Variants in EPG5 observed in about 807,000 individuals in gnomAD.
The protein encoded by EPG5 is ectopic P granules protein 5 homolog.
A neutral mutation model predicts 302.7 loss-of-function variants in EPG5; 159 were observed. The ratio of observed to expected loss-of-function variants is 0.53; its 90% CI spans 0.46 to 0.60. EPG5 has a LOEUF of 0.60. Among genes scored for constraint, EPG5 ranks in the 20% least tolerant of loss-of-function variants. The probability of loss-of-function intolerance (pLI) is 0.00; values close to 1 mark genes in which losing one functional copy is unlikely to be tolerated. For synonymous variants in EPG5, 1,158 were observed against 1,136.8 expected (o/e 1.02, Z -0.37); for missense variants, 2,896 against 3,092.4 (o/e 0.94, Z 1.51).
the EPG5 span, chr18:45,825,574 A>G: frequency 1.4e-6 from 1 of 696,556 alleles, no homozygotes; most frequent in Non-Finnish European, 2.5e-6. Context: ...TCCTGTCCCC[A>G]GTTCCTCCGG....
chr18:45,934,769 A>G, intron 11 of EPG5, 40 bp downstream of exon 11: 9 of 1,563,522 alleles, frequency 5.8e-6, no homozygotes, highest in Non-Finnish European at 7.8e-6. Context: ...GCACAAAAAG[A>G]TAGGGAGAGC....
At chr18:45,915,711 C>T (rs974123672) in intron 19 of EPG5, 90 bp from the exon 20 acceptor site, 3 of 957,474 alleles carry the variant, frequency 3.1e-6, no homozygotes, top group African/African-American at 1.6e-5. Flanking sequence ...TGTCTTACTA[C>T]AATACAAGAT....
At chr18:45,801,138 G>A in the EPG5 span, among the ~76,000 whole-genome samples, 1 of 152,144 alleles carries the variant, frequency 6.6e-6, no homozygotes, top group African/African-American at 2.4e-5. Flanking sequence ...CTGGGTTCAA[G>A]CAGTTCTCCT....
At chr18:45,829,800 T>C in the EPG5 span, among the ~76,000 whole-genome samples, 2 of 152,184 alleles carry the variant, frequency 1.3e-5, no homozygotes, top group Non-Finnish European at 2.9e-5. Flanking sequence ...GCCACAATGC[T>C]GTCCCTCCTG....
In EPG5 at chr18:45,913,731, G is replaced by A. The variant is rs374324769; in HGVS notation, c.3791C>T (p.Ala1264Val). 1.4e-5 allele frequency: 22 copies of A among 1,614,162 alleles called. No homozygotes were observed. In the African/African-American group the frequency reaches 2.8e-4, roughly 21 times the overall value. Residue 1264 changes from alanine (A) to valine (V), a missense_variant, in exon 21 of 44, where the codon GCT becomes GTT. Around this residue, in one of 5 missense-constraint regions of EPG5, gnomAD observed 64 missense variants for 101.8 expected, o/e 0.63. Transcript: ENST00000282041. Reference protein sequence around the residue: ...VIEGELVINSAFTPDQALKKA... With the variant: ...VIEGELVINSVFTPDQALKKA... Reference sequence around the variant, plus strand: ...CTTCAGAGCTTGGTCAGGGGTGAAAGCAGAGTTTATCACCAATTCCCCTTC... The same window carrying A: ...CTTCAGAGCTTGGTCAGGGGTGAAAACAGAGTTTATCACCAATTCCCCTTC...
At chr18:45,919,744 C>T (rs2050113746) in intron 16 of EPG5, among the ~76,000 whole-genome samples, 1 of 152,118 alleles carries the variant, frequency 6.6e-6, no homozygotes, top group Non-Finnish European at 1.5e-5. Flanking sequence ...GATCTCCTGA[C>T]CTCGTGATCC....
At chr18:45,879,308 T>C (rs894935817) in intron 32 of EPG5, 94 bp from the exon 33 acceptor site, 19 of 848,748 alleles carry the variant, frequency 2.2e-5, no homozygotes, top group Non-Finnish European at 3.5e-5. Context: ...TAGTAGGTCT[T>C]TGACTTTATA....
intron 1 of EPG5, among the ~76,000 whole-genome samples, chr18:45,962,928 G>A (rs2051179807): frequency 1.3e-5 from 2 of 152,052 alleles, no homozygotes; most frequent in Non-Finnish European, 2.9e-5. Context: ...CAAAGATAGG[G>A]GCCTTGCTGG....
intron 11 of EPG5, among the ~76,000 whole-genome samples, chr18:45,932,459 AT>A (rs1404126431): frequency 6.6e-6 from 1 of 152,194 alleles, no homozygotes; most frequent in East Asian, 1.9e-4. Context: ...ACTAGTTAAA[AT>A]TTGTTCCCTG....
rs565128125 is a variant in EPG5 at position 45,848,282 on chromosome 18, T to A, written c.*4185A>T. 1.1e-4 allele frequency: 16 copies of A among 152,314 alleles called. No individual in the cohort carries two copies. The highest frequency in any genetic ancestry group is 7.8e-4 in the Admixed American group (12 of 15,298). 9.4% of individuals were successfully genotyped at this position (152,314 alleles called of 1,614,324 possible). A position where few individuals can be genotyped will look rare whatever the true frequency, so the allele number is the denominator to read the frequency against. Reference sequence around the variant, plus strand: ...ATCAGAAAAATGATCAGCTACTATCTCAAAATGAGCTGTACAGTTGGCCCA... The same window carrying A: ...ATCAGAAAAATGATCAGCTACTATCACAAAATGAGCTGTACAGTTGGCCCA... On this transcript the variant is annotated 3_prime_UTR_variant, in exon 44 of 44. Coordinates refer to ENST00000282041, the MANE Select transcript of EPG5 (RefSeq NM_020964.3).
At chr18:45,829,724 T>C in the EPG5 span, among the ~76,000 whole-genome samples, 5 of 152,100 alleles carry the variant, frequency 3.3e-5, no homozygotes, top group African/African-American at 1.2e-4. Context: ...ACTCGTCAGC[T>C]GGTAATGTCA....
chr18:45,865,765 C>CAAAAAAA lies in EPG5; in HGVS notation c.6622-13_6622-7dup, dbSNP rs11333207. 3.3e-5 allele frequency: 46 copies of CAAAAAAA among 1,411,760 alleles called. 1 individual carries two copies. The African/African-American group carries it at 4.5e-4, about 14-fold the overall frequency. The allele number at this position is 1,411,760 out of a possible 1,614,324, so 87.5% of individuals were successfully genotyped here. A position where few individuals can be genotyped will look rare whatever the true frequency, so the allele number is the denominator to read the frequency against. On this transcript the variant is annotated splice_region_variant and splice_polypyrimidine_tract_variant and intron_variant, in intron 38 of 43. Transcript: ENST00000282041. ...TGGCATTTTGGAACTGCATCCTGACCAAAAAAAAAAAAAAAAATCATTCAA... is the reference window on the plus strand; with the variant it reads ...TGGCATTTTGGAACTGCATCCTGACCAAAAAAAAAAAAAAAAAAAAAAAATCATTCAA...
intron 14 of EPG5, among the ~76,000 whole-genome samples, 196 bp from the exon 15 acceptor site, chr18:45,923,583 C>T (rs532866673): frequency 6.6e-6 from 1 of 152,246 alleles, no homozygotes; most frequent in African/African-American, 2.4e-5. Flanking sequence ...TAACACTGTA[C>T]CTAGATAGGT....
intron 35 of EPG5, 92 bp from the exon 36 acceptor site, chr18:45,870,834 A>C: frequency 8.6e-7 from 1 of 1,157,334 alleles, no homozygotes; most frequent in South Asian, 1.8e-5. Flanking sequence ...TCTAAAATCT[A>C]AGGTTCTCAT....
chr18:45,837,169 G>A, the EPG5 span: 3 of 1,575,730 alleles, frequency 1.9e-6, no homozygotes, highest in Non-Finnish European at 2.6e-6. Context: ...TTTTCCACAG[G>A]GCAGGTTTTG....
At chr18:45,834,382 A>G in the EPG5 span, among the ~76,000 whole-genome samples, 1 of 152,214 alleles carries the variant, frequency 6.6e-6, no homozygotes. Context: ...TGGACAAGAC[A>G]CACAGTTCAA....
At chr18:45,926,164 T>G (rs2050262969) in intron 13 of EPG5, among the ~76,000 whole-genome samples, 1 of 152,230 alleles carries the variant, frequency 6.6e-6, no homozygotes. Context: ...TGCTTCAGTT[T>G]AGGTAAACCA....
the EPG5 span, among the ~76,000 whole-genome samples, chr18:45,808,841 G>T: frequency 6.6e-6 from 1 of 151,830 alleles, no homozygotes; most frequent in Admixed American, 6.6e-5. Context: ...AAAAAAACAA[G>T]GTATACAGGC....
In EPG5 at chr18:45,855,652, A is replaced by G. The variant is rs754187176; in HGVS notation, c.7478T>C (p.Leu2493Pro). 6.2e-7 allele frequency: 1 copy of G among 1,614,246 alleles called. No individual in the cohort carries two copies. The highest frequency in any genetic ancestry group is 8.5e-7 in the Non-Finnish European group (1 of 1,180,032). Residue 2493 changes from leucine to proline, a missense_variant, in exon 43 of 44, where the codon CTT (leucine) becomes CCT (proline). Physicochemically the swap from Leu to Pro is moderately conservative, Grantham distance 98. This residue lies in a region of EPG5 where 620 missense variants were observed against 704.2 expected (regional missense o/e 0.88). Coordinates refer to ENST00000282041, the MANE Select transcript of EPG5 (RefSeq NM_020964.3). ...RVVARSMAAF[L>P]SVQVPMEDQI... ...ATCTTCCATAGGAACCTGAACTGAAAGGAAGGCAGCCATGCTTCGGGCAAC... is the reference window on the plus strand; with the variant it reads ...ATCTTCCATAGGAACCTGAACTGAAGGGAAGGCAGCCATGCTTCGGGCAAC...
Sources: allele counts gnomAD v4.1 joint callset (sites outside exome capture counted in the v4.1 genomes callset), GRCh38; gene constraint gnomAD v4.1.1; regional missense constraint gnomAD v4.1.1; transcripts MANE v1.5; gene names NCBI Gene and HGNC (gene_info 2026-07-23, HGNC 2026-07-21).